The following NELL1 variants were observed in gnomAD, a reference collection of about 807,000 sequenced individuals.
NELL1 encodes the protein neural EGFL like 1.
In NELL1, 76 loss-of-function variants were observed where a neutral mutation model predicts 107.4. The observed-to-expected ratio is 0.71, with a 90% confidence interval of 0.59 to 0.86. NELL1 has a LOEUF of 0.86. Ranked by LOEUF, NELL1 falls within the 40% of genes least tolerant of loss-of-function variation. The pLI, the probability that NELL1 is intolerant of heterozygous loss-of-function variation, is 0.00. For synonymous variants in NELL1, 353 were observed against 341.2 expected (o/e 1.03, Z -0.38); for missense variants, 1,024 against 1,005.5 (o/e 1.02, Z -0.25).
At chr11:21,447,074 T>C (rs1157719558) in intron 15 of NELL1, among the ~76,000 whole-genome samples, 4 of 152,114 alleles carry the variant, frequency 2.6e-5, no homozygotes, top group Admixed American at 2.0e-4. Context: ...CCACAAGTAG[T>C]ATTGGCTGAG....
intron 14 of NELL1, among the ~76,000 whole-genome samples, chr11:21,239,834 A>G (rs566031056): frequency 6.6e-6 from 1 of 152,154 alleles, no homozygotes; most frequent in African/African-American, 2.4e-5. Context: ...CAGGGCTGGC[A>G]TCTTCTCACT....
In NELL1 at chr11:21,424,337, C is replaced by T. The variant is rs113666622; in HGVS notation, c.1645+53389C>T. Among the ~76,000 whole-genome samples, 536 of 152,114 alleles carry T rather than the reference C, an allele frequency of 3.5e-3. 3 individuals carry two copies. Among genetic ancestry groups the T allele is most frequent in the African/African-American group, 0.012 (498 of 41,518 alleles). On this transcript the variant is annotated intron_variant, in intron 15 of 19. Coordinates refer to ENST00000357134, the MANE Select transcript of NELL1 (RefSeq NM_006157.5). ...ATTATAGGAGAGTACTGTATGCCAG[C>T]GGGCCAGGCACGGTGTCTCACGCTT... is the stretch of plus-strand genomic sequence containing the variant.
intron 12 of NELL1, among the ~76,000 whole-genome samples, chr11:21,036,586 G>A (rs4469890): frequency 0.051 from 7,786 of 152,104 alleles, 524 homozygotes; most frequent in East Asian, 0.35. Context: ...CTTGCATTCT[G>A]CCTTTGAAGT....
intron 2 of NELL1, among the ~76,000 whole-genome samples, chr11:20,697,281 C>T (rs1341736711): frequency 1.3e-5 from 2 of 151,980 alleles, no homozygotes; most frequent in African/African-American, 4.8e-5. Context: ...TGAAACTATA[C>T]TTCTCCTTGA....
At position 20,745,713 on chromosome 11, in the gene NELL1, C is replaced by G. The variant is rs372923013; in HGVS notation, c.185-37967C>G. 3.3e-5 allele frequency among the ~76,000 whole-genome samples: 5 copies of G among 152,150 alleles called. No homozygotes were observed. The East Asian group carries it at 5.8e-4, about 18-fold the overall frequency. ...TTTGTTTTTCCATCCAGTTTAGACC[C>G]ATCAAGACAACCCTTATGGTCTACC... is the stretch of plus-strand genomic sequence containing the variant. On this transcript the variant is annotated intron_variant, in intron 2 of 19. Transcript: ENST00000357134.
chr11:21,555,373 C>A (rs1750943803), intron 16 of NELL1, among the ~76,000 whole-genome samples: 1 of 151,834 alleles, frequency 6.6e-6, no homozygotes, highest in Non-Finnish European at 1.5e-5. Flanking sequence ...CAAGATTTAG[C>A]CTTCGAGAAG....
intron 14 of NELL1, among the ~76,000 whole-genome samples, chr11:21,236,129 C>G (rs1858200632): frequency 6.6e-6 from 1 of 152,168 alleles, no homozygotes; most frequent in Non-Finnish European, 1.5e-5. Flanking sequence ...ATTCTATCCT[C>G]TCTTCTTCCA....
chr11:21,093,027 G>A (rs1161553013), intron 12 of NELL1, among the ~76,000 whole-genome samples: 3 of 152,160 alleles, frequency 2.0e-5, no homozygotes, highest in Non-Finnish European at 4.4e-5. Flanking sequence ...ACAGGAACAG[G>A]GCTAGGCAGG....
chr11:21,283,422 G>A (rs1049208443), intron 14 of NELL1, among the ~76,000 whole-genome samples: 12 of 152,190 alleles, frequency 7.9e-5, no homozygotes, highest in African/African-American at 2.7e-4. Context: ...TTTGGACCAA[G>A]AGAAAACAGG....
intron 13 of NELL1, among the ~76,000 whole-genome samples, chr11:21,224,641 A>G (rs1257489772): frequency 1.3e-5 from 2 of 152,050 alleles, no homozygotes; most frequent in Non-Finnish European, 2.9e-5. Flanking sequence ...GGCTTAATTT[A>G]TTCTTTTAAA....
intron 17 of NELL1, among the ~76,000 whole-genome samples, chr11:21,561,303 C>T (rs1039885462): frequency 3.3e-5 from 5 of 152,076 alleles, no homozygotes; most frequent in Non-Finnish European, 7.4e-5. Context: ...ATCTGCCACA[C>T]ATCCACAGAC....
intron 15 of NELL1, among the ~76,000 whole-genome samples, chr11:21,494,652 T>C (rs1854928827): frequency 6.6e-6 from 1 of 151,990 alleles, no homozygotes; most frequent in African/African-American, 2.4e-5. Flanking sequence ...TATTCATATA[T>C]ATATGAACCA....
chr11:21,315,688 G>C (rs1229170107), intron 14 of NELL1, among the ~76,000 whole-genome samples: 1 of 152,134 alleles, frequency 6.6e-6, no homozygotes, highest in Non-Finnish European at 1.5e-5. Context: ...AGAATATTTA[G>C]AACCTTGTGA....
chr11:21,252,697 G>A (rs948397688), intron 14 of NELL1, among the ~76,000 whole-genome samples: 1 of 152,102 alleles, frequency 6.6e-6, no homozygotes, highest in African/African-American at 2.4e-5. Context: ...CTGATCAAAC[G>A]TGGAGTTTGA....
intron 14 of NELL1, among the ~76,000 whole-genome samples, chr11:21,288,800 G>A (rs1355004835): frequency 6.6e-6 from 1 of 152,106 alleles, no homozygotes; most frequent in East Asian, 1.9e-4. Flanking sequence ...CAGTAGGATG[G>A]CTAAGAGCTC....
intron 2 of NELL1, among the ~76,000 whole-genome samples, chr11:20,774,052 C>G (rs1262818669): frequency 2.6e-5 from 2 of 78,236 alleles, no homozygotes; most frequent in African/African-American, 5.3e-5. Flanking sequence ...CTGTCCCCTC[C>G]CCTCCCCTCC....
intron 2 of NELL1, among the ~76,000 whole-genome samples, chr11:20,708,374 C>G (rs1259562201): frequency 6.6e-6 from 1 of 152,230 alleles, no homozygotes; most frequent in Non-Finnish European, 1.5e-5. Flanking sequence ...GTGAGATGAA[C>G]TGGGTACCGC....
At chr11:20,739,053 T>G (rs931841278) in intron 2 of NELL1, among the ~76,000 whole-genome samples, 1 of 152,204 alleles carries the variant, frequency 6.6e-6, no homozygotes, top group African/African-American at 2.4e-5. Context: ...AAATAAAAGT[T>G]AAAAATTCAG....
At chr11:21,330,777 G>T (rs1360054541) in intron 14 of NELL1, among the ~76,000 whole-genome samples, 1 of 151,944 alleles carries the variant, frequency 6.6e-6, no homozygotes, top group East Asian at 1.9e-4. Flanking sequence ...AATTTGCAAA[G>T]TATTAACCAT....
Sources: gnomAD v4.1 joint callset for allele counts (sites outside exome capture counted in the v4.1 genomes callset) on GRCh38, gnomAD v4.1.1 for gene constraint, MANE v1.5 for transcripts, NCBI Gene and HGNC (gene_info 2026-07-23, HGNC 2026-07-21) for gene names.